Variants in RMP64 observed in about 807,000 individuals in gnomAD.
The protein encoded by RMP64 is ribonuclease MRP subunit p64.
At chr3:113,004,150 G>A in the RMP64 span, 2 of 152,204 alleles carry the variant, frequency 1.3e-5, no homozygotes, top group Non-Finnish European at 2.9e-5. Flanking sequence ...TTGGTAGAAA[G>A]CCAAAAGGAA....
At chr3:113,015,859 TAAAAAAA>T in the RMP64 span, among the ~76,000 whole-genome samples, 2 of 107,558 alleles carry the variant, frequency 1.9e-5, no homozygotes, top group African/African-American at 3.3e-5. Context: ...GCCAAGAATT[TAAAAAAA>T]AAAAAAAAAA....
the RMP64 span, chr3:113,008,149 A>G: frequency 6.3e-6 from 10 of 1,599,520 alleles, no homozygotes; most frequent in African/African-American, 5.4e-5. Flanking sequence ...GTAAAGTAAC[A>G]TAATTTTTGC....
the RMP64 span, chr3:113,019,238 T>C: frequency 4.7e-6 from 2 of 428,554 alleles, no homozygotes; most frequent in East Asian, 9.5e-5. Flanking sequence ...GGCAGCACTG[T>C]TCCCCGGCAC....
chr3:113,014,570 T>A, the RMP64 span: 1 of 152,318 alleles, frequency 6.6e-6, no homozygotes, highest in Non-Finnish European at 1.5e-5. Context: ...TTTGCCAGGA[T>A]GGTCTCGATC....
the RMP64 span, chr3:113,014,756 T>C: frequency 6.6e-6 from 1 of 152,238 alleles, no homozygotes. Flanking sequence ...GGAAAACGAT[T>C]GGCTTTAATC....
the RMP64 span, chr3:113,011,321 G>A: frequency 2.5e-6 from 4 of 1,613,436 alleles, no homozygotes; most frequent in Non-Finnish European, 3.4e-6. Context: ...TAAGGCATTG[G>A]TTGAATCCTA....
the RMP64 span, chr3:113,005,750 G>T: frequency 3.7e-6 from 6 of 1,613,836 alleles, no homozygotes; most frequent in Non-Finnish European, 5.1e-6. Context: ...GTAGAGATCA[G>T]TTCTATGCAC....
the RMP64 span, among the ~76,000 whole-genome samples, chr3:113,012,133 G>A: frequency 6.6e-6 from 1 of 152,148 alleles, no homozygotes; most frequent in Admixed American, 6.5e-5. Context: ...TGAGAGACAT[G>A]AAAGAGATGT....
chr3:113,010,858 AAAC>A, the RMP64 span, among the ~76,000 whole-genome samples: 7 of 152,310 alleles, frequency 4.6e-5, no homozygotes, highest in African/African-American at 1.7e-4. Flanking sequence ...AGAAACAAAT[AAAC>A]AACTTAAAGT....
chr3:113,007,659 AAAAG>A, the RMP64 span, among the ~76,000 whole-genome samples: 210 of 152,004 alleles, frequency 1.4e-3, no homozygotes, highest in African/African-American at 4.8e-3. Flanking sequence ...AAAATCACAG[AAAAG>A]AAATATAGAT....
chr3:113,005,835 T>C, the RMP64 span: 4 of 1,613,984 alleles, frequency 2.5e-6, no homozygotes, highest in East Asian at 6.7e-5. Flanking sequence ...AACTGCTGAA[T>C]TTCCCTTAAA....
the RMP64 span, chr3:113,005,358 G>C: frequency 1.7e-6 from 1 of 588,890 alleles, no homozygotes; most frequent in Non-Finnish European, 3.0e-6. Flanking sequence ...AATACTTGTT[G>C]ATGAAATGAC....
At chr3:113,006,668 TTAA>T in the RMP64 span, among the ~76,000 whole-genome samples, 51 of 152,332 alleles carry the variant, frequency 3.3e-4, no homozygotes, top group African/African-American at 1.1e-3. Context: ...GTGATAGATT[TTAA>T]AAGACGGGCA....
the RMP64 span, among the ~76,000 whole-genome samples, chr3:113,010,224 T>C: frequency 6.6e-6 from 1 of 152,142 alleles, no homozygotes; most frequent in South Asian, 2.1e-4. Context: ...GCATTAAAAC[T>C]AGCACAACCC....
chr3:113,006,413 G>C, the RMP64 span, among the ~76,000 whole-genome samples: 1 of 152,206 alleles, frequency 6.6e-6, no homozygotes. Context: ...TCAGCTTCAT[G>C]CTGTGGCAGG....
the RMP64 span, chr3:113,004,989 G>C: frequency 6.3e-6 from 1 of 158,426 alleles, no homozygotes; most frequent in African/African-American, 2.4e-5. Flanking sequence ...GTTGTAACCA[G>C]TCCCTGGTAA....
the RMP64 span, chr3:113,019,660 G>A: frequency 3.1e-4 from 494 of 1,608,506 alleles, 3 homozygotes; most frequent in African/African-American, 5.9e-3. Flanking sequence ...GAGGCGGGGG[G>A]ACTTACGAAA....
chr3:113,005,716 A>C, the RMP64 span: 1 of 1,614,062 alleles, frequency 6.2e-7, no homozygotes, highest in South Asian at 1.1e-5. Flanking sequence ...AAACTCCACT[A>C]TTCAAGAGCT....
At chr3:113,010,818 AAAGC>A in the RMP64 span, 1 of 932,106 alleles carries the variant, frequency 1.1e-6, no homozygotes, top group Non-Finnish European at 1.6e-6. Context: ...ATAAAGGAAT[AAAGC>A]AAGCAAATAA....
Sources: gnomAD v4.1 joint callset for allele counts (sites outside exome capture counted in the v4.1 genomes callset) on GRCh38, gnomAD v4.1.1 for gene constraint, MANE v1.5 for transcripts, NCBI Gene and HGNC (gene_info 2026-07-23, HGNC 2026-07-21) for gene names.